The following PLPPR4 variants were observed in gnomAD, a reference collection of about 807,000 sequenced individuals.
PLPPR4 encodes the protein phospholipid phosphatase related 4, also known as phospholipid phosphatase-related protein type 4.
A neutral mutation model predicts 56.6 loss-of-function variants in PLPPR4; 24 were observed. The ratio of observed to expected loss-of-function variants is 0.42; its 90% CI spans 0.31 to 0.60. The LOEUF (loss-of-function observed/expected upper bound fraction) is 0.60. PLPPR4 is among the 20% of genes least tolerant of loss of function. PLPPR4 has a pLI of 0.13. For missense variants in PLPPR4, 654 were observed against 885.8 expected, an observed-to-expected ratio of 0.74 and a Z score of 3.32; for synonymous variants, 326 against 328.1, an observed-to-expected ratio of 0.99 and a Z score of 0.07.
rs1660079920 is a variant in PLPPR4, at chr1:99,308,025, A to G, written c.*1015A>G. The G allele has an allele frequency of 1.3e-5, 2 of 152,220 alleles. No homozygotes were observed. The highest frequency in any genetic ancestry group is 3.9e-4 in the East Asian group (2 of 5,194). 9.4% of individuals were successfully genotyped at this position (152,220 alleles called of 1,614,324 possible). A position where few individuals can be genotyped will look rare whatever the true frequency, so the allele number is the denominator to read the frequency against. ...CAAGAAATCTGAGCCAAAACTTGAC[A>G]TTGTGGGTTACATTGCCAGAAATGT... is the stretch of plus-strand genomic sequence containing the variant. On this transcript the variant is annotated 3_prime_UTR_variant, in exon 7 of 7. Coordinates refer to ENST00000370185, the MANE Select transcript of PLPPR4 (RefSeq NM_014839.5).
At chr1:99,304,085 T>A (rs1299358306) in intron 6 of PLPPR4, among the ~76,000 whole-genome samples, 1 of 152,234 alleles carries the variant, frequency 6.6e-6, no homozygotes, top group East Asian at 1.9e-4. Flanking sequence ...ACTAACTCTC[T>A]GTCCCATGTC....
In PLPPR4 at chr1:99,306,709, A is replaced by G. The variant is rs1660040209; in HGVS notation, c.1847A>G (p.Asn616Ser). 1 of 1,614,086 alleles carries G rather than the reference A, an allele frequency of 6.2e-7. No individual in the cohort carries two copies. Among genetic ancestry groups the G allele is most frequent in the African/African-American group, 1.3e-5 (1 of 75,058 alleles). The change falls in exon 7 of 7, where the codon AAC (asparagine) becomes AGC (serine). Residue 616 changes from asparagine to serine, a missense_variant. Transcript: ENST00000370185. This position sits in a 1 kb window ranked among gnomAD's most constrained non-coding sequence, Gnocchi z 4.0. ...KGSLRQTYEL[N>S]DLNRDSESCE... ...AGCCTTCGCCAAACTTACGAGCTCAACGATCTCAACAGGGACTCAGAAAGC... is the reference window on the plus strand; with the variant it reads ...AGCCTTCGCCAAACTTACGAGCTCAGCGATCTCAACAGGGACTCAGAAAGC...
chr1:99,271,308 T>C (rs1659055455), intron 1 of PLPPR4, among the ~76,000 whole-genome samples: 2 of 152,234 alleles, frequency 1.3e-5, no homozygotes, highest in African/African-American at 2.4e-5. Context: ...AGAGAGCTAC[T>C]GTTTTTACCA....
intron 5 of PLPPR4, 21 bp from the exon 6 acceptor site, chr1:99,301,703 C>A: frequency 1.1e-5 from 18 of 1,576,840 alleles, no homozygotes; most frequent in Non-Finnish European, 1.5e-5. Context: ...ACATACTTAA[C>A]CCATTTCTTC....
intron 1 of PLPPR4, among the ~76,000 whole-genome samples, chr1:99,269,051 T>C (rs1325231302): frequency 1.3e-5 from 2 of 152,190 alleles, no homozygotes; most frequent in Non-Finnish European, 2.9e-5. Context: ...ATATTAGGTA[T>C]TTCTCCTAAT....
At chr1:99,263,013 T>C (rs1658800120), upstream of PLPPR4, among the ~76,000 whole-genome samples, 1 of 152,194 alleles carries the variant, frequency 6.6e-6, no homozygotes, top group African/African-American at 2.4e-5. Flanking sequence ...GATGTAGTTC[T>C]CTTCTGATTA....
At chr1:99,273,880 T>C (rs1295461129) in intron 1 of PLPPR4, among the ~76,000 whole-genome samples, 2 of 152,126 alleles carry the variant, frequency 1.3e-5, no homozygotes, top group Admixed American at 1.3e-4. Flanking sequence ...ATAAATTGCC[T>C]ATCAGAGATA....
Position 99,305,770 on chromosome 1 carries a change from A to G in PLPPR4, c.908A>G (p.Asn303Ser), listed in dbSNP as rs375897794. ...RDALRSLTDLNQDPNRLLSAK... is the reference protein window; with the variant it reads ...RDALRSLTDLSQDPNRLLSAK... ...GCCCTCAGGTCTCTGACAGACCTCAATCAAGATCCCAACCGACTTTTATCT... is the reference window on the plus strand; with the variant it reads ...GCCCTCAGGTCTCTGACAGACCTCAGTCAAGATCCCAACCGACTTTTATCT... The change falls in exon 7 of 7, where the codon AAT (asparagine) becomes AGT (serine). Residue 303 changes from asparagine to serine, a missense_variant. Physicochemically the swap from Asn to Ser is conservative, Grantham distance 46 (BLOSUM62 1). Transcript: ENST00000370185. The G allele has an allele frequency of 1.5e-5, 25 of 1,614,086 alleles. No homozygotes were observed. The African/African-American group carries it at 1.7e-4, about 11-fold the overall frequency.
chr1:99,300,010 T>C (rs769564029), intron 4 of PLPPR4, among the ~76,000 whole-genome samples: 1 of 152,000 alleles, frequency 6.6e-6, no homozygotes, highest in Non-Finnish European at 1.5e-5. Flanking sequence ...AATAAGTTAA[T>C]AGGTACACCT....
intron 1 of PLPPR4, among the ~76,000 whole-genome samples, chr1:99,277,827 A>G (rs575011595): frequency 1.5e-4 from 23 of 152,152 alleles, no homozygotes; most frequent in African/African-American, 5.3e-4. Context: ...ATCCATTCAC[A>G]GTTTTTTCAT....
chr1:99,296,800 A>G lies in PLPPR4; in HGVS notation c.327A>G (p.Leu109=). The G allele has an allele frequency of 5.6e-6, 9 of 1,605,758 alleles. No homozygotes were observed. The highest frequency in any genetic ancestry group is 1.7e-4 in the Middle Eastern group (1 of 6,032). Residue 109 remains leucine (L), a synonymous_variant, in exon 3 of 7, where the codon CTA becomes CTG. Transcript: ENST00000370185. ...CCAAAAGAAGAAATGGGGTCGGACT[A>G]GAGCCCAACATTAATGCTGGAGGCT... The part of the protein sequence containing the change: ...CLSKRRNGVG[L]EPNINAGGCN...
Position 99,306,561 on chromosome 1 carries a change from C to T in PLPPR4, c.1699C>T (p.His567Tyr). 3 of 1,614,132 alleles carry T rather than the reference C, an allele frequency of 1.9e-6. No individual in the cohort carries two copies. The highest frequency in any genetic ancestry group is 2.5e-6 in the Non-Finnish European group (3 of 1,180,032). Residue 567 changes from histidine to tyrosine, a missense_variant, in exon 7 of 7, where the codon CAT becomes TAT. Transcript: ENST00000370185. The surrounding 1 kb of genome is among the most constrained non-coding windows in gnomAD (Gnocchi z 4.0). ...CATCCGCTATAAAACCTTGACAGAC[C>T]ATGAGCCCAGTGGGATAGTGAGGGT... ...GSIRYKTLTD[H>Y]EPSGIVRVEA...
chr1:99,297,944 C>T (rs532343117), intron 3 of PLPPR4, among the ~76,000 whole-genome samples: 14 of 152,172 alleles, frequency 9.2e-5, no homozygotes, highest in African/African-American at 2.9e-4. Flanking sequence ...CCTGCATCAG[C>T]GACAGGTCTA....
intron 6 of PLPPR4, among the ~76,000 whole-genome samples, chr1:99,302,509 TTTA>T (rs35590074): frequency 0.57 from 85,304 of 149,432 alleles, 25,004 homozygotes; most frequent in African/African-American, 0.71. Flanking sequence ...TATTCTTTTT[TTTA>T]TTATTATTAT....
At position 99,264,572 on chromosome 1, in the gene PLPPR4, C is replaced by A. The variant is rs749216645; in HGVS notation, c.-22C>A. ...TGCACACCTCGCCCGGGGGAGGACG[C>A]AGACCCGGGCAGGCGGCAGGGATGT... On this transcript the variant is annotated 5_prime_UTR_variant, in exon 1 of 7. Coordinates refer to ENST00000370185, the MANE Select transcript of PLPPR4 (RefSeq NM_014839.5). 7.1e-5 allele frequency: 110 copies of A among 1,550,796 alleles called. No individual in the cohort carries two copies. The highest frequency in any genetic ancestry group is 9.3e-5 in the Non-Finnish European group (107 of 1,147,036).
chr1:99,278,515 T>C (rs926377016), intron 1 of PLPPR4, among the ~76,000 whole-genome samples: 3 of 152,174 alleles, frequency 2.0e-5, no homozygotes, highest in African/African-American at 7.2e-5. Context: ...GAAGAAAGGA[T>C]TTAAAAGCAA....
intron 2 of PLPPR4, among the ~76,000 whole-genome samples, chr1:99,294,852 T>G (rs562255124): frequency 7.6e-4 from 115 of 151,984 alleles, no homozygotes; most frequent in African/African-American, 2.6e-3. Flanking sequence ...AATATAATTA[T>G]ACAGAGAGAA....
At chr1:99,270,185 C>A (rs773416922) in intron 1 of PLPPR4, among the ~76,000 whole-genome samples, 2 of 151,922 alleles carry the variant, frequency 1.3e-5, no homozygotes, top group African/African-American at 4.8e-5. Flanking sequence ...CCACCACACC[C>A]AGCTAGTATT....
intron 1 of PLPPR4, among the ~76,000 whole-genome samples, chr1:99,277,661 T>G (rs1659224964): frequency 6.6e-6 from 1 of 152,142 alleles, no homozygotes. Flanking sequence ...CATCATAAAT[T>G]CAATGCATGT....
Sources: allele counts gnomAD v4.1 joint callset (sites outside exome capture counted in the v4.1 genomes callset), GRCh38; gene constraint gnomAD v4.1.1; non-coding constraint Gnocchi (gnomAD v3.1); transcripts MANE v1.5; gene names NCBI Gene and HGNC (gene_info 2026-07-23, HGNC 2026-07-21).